Variants in MBNL1 observed in about 807,000 individuals in gnomAD.
The protein encoded by MBNL1 is muscleblind like splicing regulator 1.
MBNL1 carries 8 observed loss-of-function variants against 42.2 expected under a neutral mutation model. The observed-to-expected ratio is 0.19, with a 90% confidence interval of 0.11 to 0.34. The LOEUF is 0.34. MBNL1 is among the 10% of genes least tolerant of loss of function. MBNL1 has a pLI of 1.00. For missense variants in MBNL1, 309 were observed against 495.3 expected (o/e 0.62, Z 3.57); for synonymous variants, 169 against 173.9 (o/e 0.97, Z 0.22).
At chr3:152,379,871 G>A (rs2097105313) in intron 2 of MBNL1, among the ~76,000 whole-genome samples, 1 of 152,010 alleles carries the variant, frequency 6.6e-6, no homozygotes, top group Admixed American at 6.6e-5. Flanking sequence ...TAATTTCCTT[G>A]GGATAGATGG....
intron 3 of MBNL1, among the ~76,000 whole-genome samples, chr3:152,417,973 C>A (rs907816018): frequency 6.6e-6 from 1 of 152,160 alleles, no homozygotes; most frequent in African/African-American, 2.4e-5. Context: ...CATTTAATAT[C>A]TTCAGAGCAC....
At chr3:152,362,414 CTTTGT>C (rs1376850284) in intron 2 of MBNL1, among the ~76,000 whole-genome samples, 3 of 152,140 alleles carry the variant, frequency 2.0e-5, no homozygotes, top group African/African-American at 7.2e-5. Flanking sequence ...TAGTTTAACA[CTTTGT>C]TTTAACAGTT....
chr3:152,410,650 T>C (rs1296701431), intron 2 of MBNL1, among the ~76,000 whole-genome samples: 2 of 152,220 alleles, frequency 1.3e-5, no homozygotes, highest in African/African-American at 2.4e-5. Flanking sequence ...CCTCAATTAC[T>C]TTTCCCCAAC....
chr3:152,262,530 A>G (rs151114685), intron 2 of MBNL1: 4 of 152,242 alleles, frequency 2.6e-5, no homozygotes, highest in African/African-American at 7.2e-5. Context: ...AAGTAGATAG[A>G]TACAGCCAAC....
chr3:152,244,843 A>AT (rs1454943436), intron 2 of MBNL1, among the ~76,000 whole-genome samples: 4 of 151,978 alleles, frequency 2.6e-5, no homozygotes, highest in African/African-American at 4.8e-5. Context: ...TTTGCATATT[A>AT]TTAGTTGAGC....
rs1339907845 is a variant in MBNL1 at position 152,464,704 on chromosome 3, A to G, written c.*2338A>G. 1 of 152,628 alleles carries G rather than the reference A, an allele frequency of 6.6e-6. No homozygotes were observed. The highest frequency in any genetic ancestry group is 6.5e-5 in the Admixed American group (1 of 15,280). The allele number at this position is 152,628 out of a possible 1,614,324, so 9.5% of individuals were successfully genotyped here. ...CAAGGGACTTTTTGTTGATAATCCA[A>G]ATACTCAAAGTTTACGTAATGAAAA... On this transcript the variant is annotated 3_prime_UTR_variant, in exon 10 of 10. Coordinates refer to ENST00000324210, the MANE Select transcript of MBNL1 (RefSeq NM_021038.5).
At chr3:152,439,877 TAAATG>T (rs1204754378) in intron 4 of MBNL1, among the ~76,000 whole-genome samples, 4 of 152,012 alleles carry the variant, frequency 2.6e-5, no homozygotes, top group South Asian at 2.1e-4. Context: ...AATAATAACA[TAAATG>T]AAATAAGGTA....
intron 2 of MBNL1, among the ~76,000 whole-genome samples, chr3:152,366,928 A>T (rs1356194349): frequency 6.6e-6 from 1 of 151,832 alleles, no homozygotes; most frequent in Non-Finnish European, 1.5e-5. Flanking sequence ...TTATGTACAA[A>T]AGAGAAAATA....
intron 2 of MBNL1, 81 bp downstream of exon 2, chr3:152,300,448 A>G (rs1258099454): frequency 6.8e-6 from 8 of 1,171,110 alleles, no homozygotes; most frequent in Non-Finnish European, 3.7e-6. Context: ...TGCATATGGG[A>G]TTATGGATTG....
chr3:152,412,676 TTCTC>T (rs1169813446), intron 2 of MBNL1, among the ~76,000 whole-genome samples: 1 of 152,188 alleles, frequency 6.6e-6, no homozygotes, highest in Non-Finnish European at 1.5e-5. Flanking sequence ...CACACGTGAT[TTCTC>T]TCTGTTATTT....
chr3:152,420,454 G>A (rs2098785369), intron 3 of MBNL1, among the ~76,000 whole-genome samples: 1 of 152,210 alleles, frequency 6.6e-6, no homozygotes, highest in African/African-American at 2.4e-5. Context: ...TGCAGCCTCT[G>A]CTAGTGATAC....
At chr3:152,401,385 A>G (rs562916491) in intron 2 of MBNL1, among the ~76,000 whole-genome samples, 4 of 152,356 alleles carry the variant, frequency 2.6e-5, no homozygotes, top group Non-Finnish European at 5.9e-5. Flanking sequence ...CACTTCTCAT[A>G]ATCAAATTTA....
Position 152,445,341 on chromosome 3 carries a change from T to G in MBNL1, c.609T>G (p.Ala203=). The change falls in exon 5 of 10, where the codon GCT becomes GCG. Residue 203 remains alanine (A), a synonymous_variant. Coordinates refer to ENST00000324210, the MANE Select transcript of MBNL1 (RefSeq NM_021038.5). The stretch of plus-strand genomic sequence containing the variant: ...GAGGAGAAAATGATTGTCGGTTTGC[T>G]CATCCTGCTGACAGCACAATGATTG... ...CNRGENDCRF[A]HPADSTMIDT... 1 of 1,614,084 alleles carries G rather than the reference T, an allele frequency of 6.2e-7. No homozygotes were observed. Among genetic ancestry groups the G allele is most frequent in the African/African-American group, 1.3e-5 (1 of 75,028 alleles).
intron 2 of MBNL1, among the ~76,000 whole-genome samples, chr3:152,310,934 A>C (rs1294836952): frequency 6.7e-6 from 1 of 149,182 alleles, no homozygotes; most frequent in Non-Finnish European, 1.5e-5. Flanking sequence ...TTTTGCTTGA[A>C]ATATAATATA....
chr3:152,269,726 CTTCT>C (rs1298515251), intron 1 of MBNL1: 72 of 237,868 alleles, frequency 3.0e-4, no homozygotes, highest in East Asian at 9.9e-4. Flanking sequence ...TTTTCTTCTT[CTTCT>C]TTTTTTTTTC....
intron 2 of MBNL1, among the ~76,000 whole-genome samples, chr3:152,256,861 A>T (rs76514926): frequency 2.6e-5 from 4 of 152,144 alleles, no homozygotes; most frequent in Non-Finnish European, 5.9e-5. Context: ...GCCGCCCATA[A>T]AAAACATTAC....
intron 1 of MBNL1, among the ~76,000 whole-genome samples, chr3:152,276,637 G>A (rs143282394): frequency 1.3e-5 from 2 of 152,096 alleles, no homozygotes; most frequent in Non-Finnish European, 2.9e-5. Flanking sequence ...AAGGCCTGGG[G>A]TGAGGGGTGG....
chr3:152,377,037 C>A (rs1291332050), intron 2 of MBNL1, among the ~76,000 whole-genome samples: 1 of 152,086 alleles, frequency 6.6e-6, no homozygotes, highest in East Asian at 1.9e-4. Context: ...TGTTTTAAAA[C>A]AAAGCCCCAA....
At chr3:152,354,462 GA>G (rs1459685244) in intron 2 of MBNL1, among the ~76,000 whole-genome samples, 1 of 151,970 alleles carries the variant, frequency 6.6e-6, no homozygotes, top group Non-Finnish European at 1.5e-5. Context: ...TCTTAAAAAA[GA>G]AAAAATTACG....
Sources: gnomAD v4.1 joint callset for allele counts (sites outside exome capture counted in the v4.1 genomes callset) on GRCh38, gnomAD v4.1.1 for gene constraint, MANE v1.5 for transcripts, NCBI Gene and HGNC (gene_info 2026-07-23, HGNC 2026-07-21) for gene names.